The following RGS7 variants were observed in gnomAD, a reference collection of about 807,000 sequenced individuals.
The protein encoded by RGS7 is regulator of G-protein signaling 7.
RGS7 carries 27 observed loss-of-function variants against 81.1 expected under a neutral mutation model. That is an observed-to-expected ratio of 0.33 (90% CI 0.25 to 0.46). RGS7 has a LOEUF of 0.46. Among genes scored for constraint, RGS7 ranks in the 20% least tolerant of loss-of-function variants. The pLI is 1.00. For missense variants in RGS7, 396 were observed against 607.4 expected (o/e 0.65, Z 3.66); for synonymous variants, 208 against 207.7 (o/e 1.00, Z -0.01).
At chr1:241,322,143 C>T (rs1189517269) in intron 2 of RGS7, among the ~76,000 whole-genome samples, 4 of 152,180 alleles carry the variant, frequency 2.6e-5, no homozygotes, top group Admixed American at 1.3e-4. Context: ...TGTCTCTGTC[C>T]TCTACGTTCT....
chr1:241,240,508 G>A (rs183080603), intron 2 of RGS7, among the ~76,000 whole-genome samples: 19 of 152,304 alleles, frequency 1.2e-4, no homozygotes, highest in African/African-American at 4.3e-4. Context: ...AATGAAACCT[G>A]TTAGATTAGA....
At chr1:241,054,552 A>C (rs2061394476) in intron 3 of RGS7, among the ~76,000 whole-genome samples, 1 of 152,214 alleles carries the variant, frequency 6.6e-6, no homozygotes, top group Non-Finnish European at 1.5e-5. Context: ...ATAAAGATCC[A>C]ACCACTTACT....
At chr1:241,052,708 C>A (rs913889286) in intron 3 of RGS7, among the ~76,000 whole-genome samples, 3 of 82,288 alleles carry the variant, frequency 3.6e-5, no homozygotes, top group Admixed American at 1.1e-4. Flanking sequence ...CAATTCCCCC[C>A]CAAAGTATTG....
intron 2 of RGS7, among the ~76,000 whole-genome samples, chr1:241,157,821 C>CTTTTCTT (rs1553271417): frequency 3.2e-5 from 3 of 94,714 alleles, no homozygotes; most frequent in African/African-American, 1.0e-4. Flanking sequence ...CTTTTCTTTT[C>CTTTTCTT]TTTTTTTTTT....
intron 3 of RGS7, among the ~76,000 whole-genome samples, chr1:241,085,582 G>C (rs1316601489): frequency 6.9e-6 from 1 of 145,802 alleles, no homozygotes; most frequent in African/African-American, 2.7e-5. Context: ...GCACCATCAT[G>C]CCCGGCTAAT....
intron 2 of RGS7, among the ~76,000 whole-genome samples, chr1:241,236,711 C>T (rs949518874): frequency 6.6e-6 from 1 of 151,956 alleles, no homozygotes; most frequent in Non-Finnish European, 1.5e-5. Context: ...CACCCAAGTT[C>T]GATAAAGAAG....
chr1:240,854,066 T>A (rs1348923591), intron 9 of RGS7, among the ~76,000 whole-genome samples: 1 of 152,110 alleles, frequency 6.6e-6, no homozygotes, highest in African/African-American at 2.4e-5. Flanking sequence ...AAATGTCACA[T>A]ATACATTTTT....
At chr1:241,199,889 T>TGCTA (rs1178704438) in intron 2 of RGS7, among the ~76,000 whole-genome samples, 7 of 152,224 alleles carry the variant, frequency 4.6e-5, no homozygotes, top group African/African-American at 1.7e-4. Context: ...CTGTACTGCC[T>TGCTA]GCTAGCTGTA....
chr1:241,135,334 G>A (rs1470133455), intron 2 of RGS7, among the ~76,000 whole-genome samples: 2 of 152,134 alleles, frequency 1.3e-5, no homozygotes, highest in African/African-American at 4.8e-5. Flanking sequence ...GGCTGAGGCA[G>A]GAGAATGGCG....
At chr1:240,793,395 TA>T (rs1303033860) in intron 18 of RGS7, among the ~76,000 whole-genome samples, 3 of 151,920 alleles carry the variant, frequency 2.0e-5, no homozygotes, top group East Asian at 3.9e-4. Flanking sequence ...CCAGTTTCAA[TA>T]AAATAAGATG....
At chr1:240,907,435 T>C (rs1671002253) in intron 6 of RGS7, among the ~76,000 whole-genome samples, 1 of 151,692 alleles carries the variant, frequency 6.6e-6, no homozygotes, top group Non-Finnish European at 1.5e-5. Context: ...TACTAAATCG[T>C]AGAAATAAAA....
intron 2 of RGS7, among the ~76,000 whole-genome samples, chr1:241,138,676 G>A (rs2067702462): frequency 6.6e-6 from 1 of 152,154 alleles, no homozygotes; most frequent in Non-Finnish European, 1.5e-5. Flanking sequence ...TATATCCTCT[G>A]TTTAATCCTC....
intron 6 of RGS7, among the ~76,000 whole-genome samples, chr1:240,912,150 C>CAAAAAAA (rs374318547): frequency 5.4e-5 from 3 of 55,808 alleles, no homozygotes; most frequent in Non-Finnish European, 8.5e-5. Context: ...GATTCTGTCT[C>CAAAAAAA]AAAAAAAAAA....
chr1:240,971,119 TG>T (rs1239788888), intron 4 of RGS7, among the ~76,000 whole-genome samples: 2 of 152,192 alleles, frequency 1.3e-5, no homozygotes, highest in Non-Finnish European at 1.5e-5. Flanking sequence ...ACAGCCCTTA[TG>T]AATGGAATTA....
chr1:241,182,883 A>G (rs369522034), intron 2 of RGS7, among the ~76,000 whole-genome samples: 24 of 151,376 alleles, frequency 1.6e-4, no homozygotes, highest in African/African-American at 5.6e-4. Context: ...CATGTTGGCC[A>G]GGCTGGTCTC....
rs12038877 is a variant in RGS7 at position 241,285,759 on chromosome 1, G to T, written c.78+69940C>A. On this transcript the variant is annotated intron_variant, in intron 2 of 18. Coordinates refer to ENST00000440928, the MANE Select transcript of RGS7 (RefSeq NM_001364886.1). ...CGAAGCTCCTCATTTGTCTTGGTTG[G>T]TCTCTCCCTGCAGGGCTGGACTCCC... is the stretch of plus-strand genomic sequence containing the variant. 2.0e-5 allele frequency among the ~76,000 whole-genome samples: 3 copies of T among 152,290 alleles called. No homozygotes were observed. The East Asian group carries it at 5.8e-4, about 29-fold the overall frequency.
chr1:240,855,308 C>CAAAAAA (rs758331434), intron 9 of RGS7, among the ~76,000 whole-genome samples: 46 of 14,900 alleles, frequency 3.1e-3, no homozygotes, highest in African/African-American at 7.7e-3. Flanking sequence ...GACCATGTCT[C>CAAAAAA]AAAAAAAAAA....
chr1:240,873,141 C>T (rs138678860), intron 6 of RGS7, among the ~76,000 whole-genome samples: 1,540 of 152,134 alleles, frequency 0.01, 22 homozygotes, highest in Middle Eastern at 0.024. Flanking sequence ...TGCTTTTGTG[C>T]CAATCCTAAT....
At chr1:241,097,614 C>T (rs1255290242) in intron 3 of RGS7, among the ~76,000 whole-genome samples, 5 of 152,144 alleles carry the variant, frequency 3.3e-5, no homozygotes, top group East Asian at 1.9e-4. Flanking sequence ...CAGCATCAGC[C>T]GCCTTCTTCT....
Sources: gnomAD v4.1 joint callset for allele counts (sites outside exome capture counted in the v4.1 genomes callset) on GRCh38, gnomAD v4.1.1 for gene constraint, MANE v1.5 for transcripts, NCBI Gene and HGNC (gene_info 2026-07-23, HGNC 2026-07-21) for gene names.